The following NR5A1 variants were observed in gnomAD, a reference collection of about 807,000 sequenced individuals.
NR5A1 encodes the protein nuclear receptor subfamily 5 group A member 1.
NR5A1 carries 6 observed loss-of-function variants against 42.7 expected under a neutral mutation model. The observed-to-expected ratio is 0.14, with a 90% CI of 0.08 to 0.28. The LOEUF is 0.28. Among genes scored for constraint, NR5A1 ranks in the 10% least tolerant of loss-of-function variants. The pLI, the probability that NR5A1 is intolerant of heterozygous loss-of-function variation, is 1.00. For synonymous variants in NR5A1, 274 were observed against 277.5 expected (o/e 0.99, Z 0.12); for missense variants, 442 against 626.4 (o/e 0.71, Z 3.14).
chr9:124,506,430 G>C (rs929572957), intron 1 of NR5A1, among the ~76,000 whole-genome samples: 1 of 152,126 alleles, frequency 6.6e-6, no homozygotes, highest in Non-Finnish European at 1.5e-5. Context: ...GGTCACTGCC[G>C]CCTCTGAACA....
intron 6 of NR5A1, 45 bp downstream of exon 6, chr9:124,491,036 C>CCCCCCCCCCAGGGGGGG: frequency 7.1e-7 from 1 of 1,401,602 alleles, no homozygotes; most frequent in Non-Finnish European, 9.6e-7. Flanking sequence ...CCCACCCACC[C>CCCCCCCCCCAGGGGGGG]GCCTCTGGCT....
chr9:124,496,809 G>T lies in NR5A1; in HGVS notation c.870+3281C>A, dbSNP rs1832396470. ...GTTGAGGGTGAACGGATGTCAAAATGGGTCACTGGGCACTCCTGGCCCCCA... is the reference window on the plus strand; with the variant it reads ...GTTGAGGGTGAACGGATGTCAAAATTGGTCACTGGGCACTCCTGGCCCCCA... On this transcript the variant is annotated intron_variant, in intron 4 of 6. Transcript: ENST00000373588. This position sits in a 1 kb window ranked among gnomAD's most constrained non-coding sequence, Gnocchi z 5.0. Among the ~76,000 whole-genome samples the T allele has an allele frequency of 6.6e-6, 1 of 152,198 alleles. No homozygotes were observed.
At position 124,500,877 on chromosome 9, in the gene NR5A1, A is replaced by T; in HGVS notation, c.245-162T>A. On this transcript the variant is annotated intron_variant, in intron 3 of 6. Coordinates refer to ENST00000373588, the MANE Select transcript of NR5A1 (RefSeq NM_004959.5). This position sits in a 1 kb window ranked among gnomAD's most constrained non-coding sequence, Gnocchi z 6.9. Reference sequence around the variant, plus strand: ...GGGAAGTCAGTCTCCTTTGCCTGGCATTCAAGGCCCTGCTCAGCTTTTCAG... The same window carrying T: ...GGGAAGTCAGTCTCCTTTGCCTGGCTTTCAAGGCCCTGCTCAGCTTTTCAG... 1 of 1,142,280 alleles carries T rather than the reference A, an allele frequency of 8.8e-7. No homozygotes were observed. The highest frequency in any genetic ancestry group is 1.3e-5 in the South Asian group (1 of 75,862). The allele number at this position is 1,142,280 out of a possible 1,614,324, so 70.8% of individuals were successfully genotyped here. A position where few individuals can be genotyped will look rare whatever the true frequency, so the allele number is the denominator to read the frequency against.
intron 6 of NR5A1, among the ~76,000 whole-genome samples, chr9:124,489,498 G>T (rs111729432): frequency 1.1e-4 from 16 of 152,320 alleles, no homozygotes; most frequent in African/African-American, 3.4e-4. Context: ...ATGCCAGCAC[G>T]CACGCATGCA....
chr9:124,497,953 A>C (rs1417962424), intron 4 of NR5A1, among the ~76,000 whole-genome samples: 3 of 152,094 alleles, frequency 2.0e-5, no homozygotes. Context: ...TGGCTCTCAG[A>C]GCCCTGGGCA....
chr9:124,484,844 T>C (rs981286541), intron 6 of NR5A1, among the ~76,000 whole-genome samples: 14 of 152,036 alleles, frequency 9.2e-5, no homozygotes, highest in African/African-American at 3.1e-4. Flanking sequence ...CGACCCGCAT[T>C]AAACATCAAG....
chr9:124,494,054 C>T (rs1832354304), intron 4 of NR5A1, among the ~76,000 whole-genome samples: 1 of 152,230 alleles, frequency 6.6e-6, no homozygotes, highest in Non-Finnish European at 1.5e-5. Flanking sequence ...AAAACGAGCC[C>T]TTCTGGGTAT....
chr9:124,486,772 G>A (rs915078104), intron 6 of NR5A1, among the ~76,000 whole-genome samples: 1 of 152,190 alleles, frequency 6.6e-6, no homozygotes, highest in Admixed American at 6.5e-5. Flanking sequence ...TGCCAGCAAC[G>A]CACAGAACAC....
chr9:124,506,027 G>T (rs1255792669), intron 1 of NR5A1, among the ~76,000 whole-genome samples: 1 of 152,218 alleles, frequency 6.6e-6, no homozygotes. Flanking sequence ...CCGCAATTTT[G>T]CATTGACAGC....
At chr9:124,494,049 G>C (rs1032583717) in intron 4 of NR5A1, among the ~76,000 whole-genome samples, 1 of 152,208 alleles carries the variant, frequency 6.6e-6, no homozygotes, top group Non-Finnish European at 1.5e-5. Context: ...GTGACAAAAC[G>C]AGCCCTTCTG....
At chr9:124,506,713 C>T (rs534992027) in intron 1 of NR5A1, among the ~76,000 whole-genome samples, 7 of 152,320 alleles carry the variant, frequency 4.6e-5, no homozygotes, top group East Asian at 1.9e-4. Context: ...GGCTCCGAGG[C>T]ACCCACCCCC....
At position 124,498,272 on chromosome 9, in the gene NR5A1, C is replaced by T. The variant is rs1270501013; in HGVS notation, c.870+1818G>A. Among the ~76,000 whole-genome samples, 11 of 152,290 alleles carry T rather than the reference C, an allele frequency of 7.2e-5. No homozygotes were observed. The highest frequency in any genetic ancestry group is 2.1e-4 in the South Asian group (1 of 4,820). On this transcript the variant is annotated intron_variant, in intron 4 of 6. Transcript: ENST00000373588. This position sits in a 1 kb window ranked among gnomAD's most constrained non-coding sequence, Gnocchi z 4.6. ...TGGAAAAGAACTTCCACATGGCTTACGAGAGGCGCTCTAAGGGCTGGGCTG... is the reference window on the plus strand; with the variant it reads ...TGGAAAAGAACTTCCACATGGCTTATGAGAGGCGCTCTAAGGGCTGGGCTG...
At position 124,503,613 on chromosome 9, in the gene NR5A1, G is replaced by A. The variant is rs547666515; in HGVS notation, c.-15-203C>T. Among the ~76,000 whole-genome samples, 333 of 152,258 alleles carry A rather than the reference G, an allele frequency of 2.2e-3. 1 individual carries two copies. Among genetic ancestry groups the A allele is most frequent in the Non-Finnish European group, 2.0e-3 (133 of 68,008 alleles). On this transcript the variant is annotated intron_variant, in intron 1 of 6. Coordinates refer to ENST00000373588, the MANE Select transcript of NR5A1 (RefSeq NM_004959.5). This position sits in a 1 kb window ranked among gnomAD's most constrained non-coding sequence, Gnocchi z 9.6. ...CCCCGCGCCCGGCCTTCCCCTGCCA[G>A]GCCCCACGCTCCCGCCCCGTCCGGG...
chr9:124,506,430 GC>G (rs1832561676), intron 1 of NR5A1, among the ~76,000 whole-genome samples: 1 of 152,126 alleles, frequency 6.6e-6, no homozygotes, highest in Non-Finnish European at 1.5e-5. Context: ...GGTCACTGCC[GC>G]CTCTGAACAG....
chr9:124,485,960 C>G (rs1832201247), intron 6 of NR5A1, among the ~76,000 whole-genome samples: 1 of 152,198 alleles, frequency 6.6e-6, no homozygotes, highest in South Asian at 2.1e-4. Flanking sequence ...AGTAAAGGGT[C>G]CTGGAGGAAG....
rs980344097 is a variant in NR5A1 at position 124,496,201 on chromosome 9, C to CAT, written c.871-3053_871-3052insAT. The stretch of plus-strand genomic sequence containing the variant: ...GAGAATGCGCACACACACACACACA[C>CAT]ACACACAACCTCTTTTTATTTAAAA... On this transcript the variant is annotated intron_variant, in intron 4 of 6. Transcript: ENST00000373588. This position sits in a 1 kb window ranked among gnomAD's most constrained non-coding sequence, Gnocchi z 5.0. 6.6e-6 allele frequency among the ~76,000 whole-genome samples: 1 copy of CAT among 151,924 alleles called. No individual in the cohort carries two copies. Among genetic ancestry groups the CAT allele is most frequent in the African/African-American group, 2.4e-5 (1 of 41,238 alleles).
rs1372018036 is a variant in NR5A1 at position 124,503,960 on chromosome 9, A to T, written c.-15-550T>A. 6.6e-6 allele frequency among the ~76,000 whole-genome samples: 1 copy of T among 151,616 alleles called. No homozygotes were observed. Among genetic ancestry groups the T allele is most frequent in the African/African-American group, 2.4e-5 (1 of 41,174 alleles). The stretch of plus-strand genomic sequence containing the variant: ...GAGTGCCAGAGACACAGACACTGAG[A>T]CGCCCAGCTAGAGAGAACCCGGCGG... On this transcript the variant is annotated intron_variant, in intron 1 of 6. Transcript: ENST00000373588. The surrounding 1 kb of genome is among the most constrained non-coding windows in gnomAD (Gnocchi z 9.6).
At chr9:124,492,992 AGGGCGGGGCCCAG>A (rs1279895749) in intron 5 of NR5A1, 25 bp downstream of exon 5, 6 of 1,540,720 alleles carry the variant, frequency 3.9e-6, no homozygotes, top group Non-Finnish European at 5.2e-6. Flanking sequence ...CAGCGGGGCC[AGGGCGGGGCCCAG>A]GGGCGGGGCC....
chr9:124,493,178 G>C, intron 4 of NR5A1, 29 bp from the exon 5 acceptor site: 1 of 1,602,664 alleles, frequency 6.2e-7, no homozygotes, highest in Non-Finnish European at 8.5e-7. Context: ...CGGGGGGCCG[G>C]GCTCCAGCCA....
Sources: allele counts gnomAD v4.1 joint callset (sites outside exome capture counted in the v4.1 genomes callset), GRCh38; gene constraint gnomAD v4.1.1; non-coding constraint Gnocchi (gnomAD v3.1); transcripts MANE v1.5; gene names NCBI Gene and HGNC (gene_info 2026-07-23, HGNC 2026-07-21).